The following CD99 variants were observed in gnomAD, a reference collection of about 807,000 sequenced individuals.
CD99 encodes CD99 antigen.
In CD99, 19 loss-of-function variants were observed where a neutral mutation model predicts 28.4. The ratio of observed to expected loss-of-function variants is 0.67; its 90% CI spans 0.47 to 0.98. CD99 has a LOEUF of 0.98. Among genes scored for constraint, CD99 ranks in the 50% least tolerant of loss-of-function variants. The pLI, the probability that CD99 is intolerant of heterozygous loss-of-function variation, is 0.00. For missense variants in CD99, 283 were observed against 248.8 expected, an observed-to-expected ratio of 1.14 and a Z score of -0.92; for synonymous variants, 103 against 92.1, an observed-to-expected ratio of 1.12 and a Z score of -0.67.
chrX:2,708,167 A>G (rs1684018), intron 1 of CD99, among the ~76,000 whole-genome samples: 14 of 152,036 alleles, frequency 9.2e-5, no homozygotes, highest in South Asian at 4.2e-4. Flanking sequence ...ACACCTGGGG[A>G]ACTGCATCCC....
At chrX:2,693,781 C>T (rs1325804228) in intron 1 of CD99, among the ~76,000 whole-genome samples, 1 of 152,084 alleles carries the variant, frequency 6.6e-6, no homozygotes, top group African/African-American at 2.4e-5. Flanking sequence ...AAAGAGGAGG[C>T]TTCAGCTTTG....
At chrX:2,712,775 G>A (rs1465964793) in intron 1 of CD99, among the ~76,000 whole-genome samples, 2 of 151,948 alleles carry the variant, frequency 1.3e-5, no homozygotes, top group Non-Finnish European at 2.9e-5. Flanking sequence ...GCAGCCATGA[G>A]TACACACACA....
At chrX:2,693,606 G>A (rs181128354) in intron 1 of CD99, among the ~76,000 whole-genome samples, 1 of 152,296 alleles carries the variant, frequency 6.6e-6, no homozygotes, top group Admixed American at 6.5e-5. Flanking sequence ...GCATCAGGCT[G>A]CAAAACCCCG....
At chrX:2,706,156 G>A (rs754209753) in intron 1 of CD99, among the ~76,000 whole-genome samples, 60 of 151,822 alleles carry the variant, frequency 4.0e-4, no homozygotes, top group Non-Finnish European at 3.2e-4. Context: ...TCAGGAGATC[G>A]AGACCATCCT....
chrX:2,691,527 C>G (rs1407324120), intron 1 of CD99, 100 bp downstream of exon 1: 10 of 1,303,552 alleles, frequency 7.7e-6, no homozygotes, highest in South Asian at 5.0e-5. Context: ...CGCGGGGACA[C>G]CCGGAGCCTC....
At chrX:2,712,530 A>G (rs1304131912) in intron 1 of CD99, among the ~76,000 whole-genome samples, 3 of 152,140 alleles carry the variant, frequency 2.0e-5, no homozygotes, top group Non-Finnish European at 4.4e-5. Context: ...CTTATGGTTT[A>G]TTCTGGATCA....
intron 2 of CD99, chrX:2,714,712 C>T (rs1312879805): frequency 1.4e-5 from 5 of 368,208 alleles, no homozygotes; most frequent in Middle Eastern, 6.9e-4. Context: ...GATACAGAGA[C>T]AGGAAGTGGG....
intron 8 of CD99, among the ~76,000 whole-genome samples, chrX:2,734,795 CT>C (rs199499573): frequency 1.4e-4 from 19 of 137,868 alleles, no homozygotes; most frequent in South Asian, 2.3e-4. Flanking sequence ...TCTTATTTTC[CT>C]TTTTTTTTCA....
chrX:2,730,929 C>CA (rs4034603), intron 8 of CD99, among the ~76,000 whole-genome samples: 9,670 of 105,988 alleles, frequency 0.091, 435 homozygotes, highest in South Asian at 0.12. Flanking sequence ...GACTCTGTCT[C>CA]AAAAAAAAAA....
chrX:2,706,079 G>A (rs183147900), intron 1 of CD99, among the ~76,000 whole-genome samples: 10 of 149,830 alleles, frequency 6.7e-5, no homozygotes, highest in African/African-American at 2.4e-4. Flanking sequence ...AAAAAAAAGA[G>A]CCGGGCGCGG....
At chrX:2,718,684 T>G (rs1408641560) in intron 3 of CD99, among the ~76,000 whole-genome samples, 8 of 152,114 alleles carry the variant, frequency 5.3e-5, no homozygotes, top group Admixed American at 5.2e-4. Context: ...TGCTGTTCTT[T>G]CAAACAAAAG....
At chrX:2,736,252 A>G (rs1311705160) in intron 8 of CD99, among the ~76,000 whole-genome samples, 3 of 151,748 alleles carry the variant, frequency 2.0e-5, no homozygotes, top group Non-Finnish European at 4.4e-5. Flanking sequence ...GCTGCACCAT[A>G]CAAACGTGTT....
intron 1 of CD99, among the ~76,000 whole-genome samples, chrX:2,713,144 C>G (rs1306556137): frequency 6.6e-6 from 1 of 150,724 alleles, no homozygotes; most frequent in South Asian, 2.1e-4. Context: ...ACACACAAAC[C>G]CACATATACA....
intron 6 of CD99, 102 bp downstream of exon 6, chrX:2,722,776 C>T: frequency 8.5e-7 from 1 of 1,181,736 alleles, no homozygotes; most frequent in Non-Finnish European, 1.3e-6. Flanking sequence ...TCTCTGTGAA[C>T]TCACAGTGAA....
At chrX:2,723,260 A>C in intron 6 of CD99, 54 bp from the exon 7 acceptor site, 1 of 1,594,614 alleles carries the variant, frequency 6.3e-7, no homozygotes, top group South Asian at 1.1e-5. Flanking sequence ...CCTGGCTGTG[A>C]ATTTTTCCTT....
intron 1 of CD99, among the ~76,000 whole-genome samples, chrX:2,694,800 G>A (rs754891635): frequency 2.9e-4 from 44 of 152,054 alleles, no homozygotes; most frequent in African/African-American, 9.6e-4. Flanking sequence ...CTTTCTCTGT[G>A]TATGAGACAG....
chrX:2,740,718 T>C, intron 9 of CD99, 61 bp from the exon 10 acceptor site: 1 of 1,562,154 alleles, frequency 6.4e-7, no homozygotes, highest in Non-Finnish European at 8.8e-7. Context: ...TTGTAGGAAC[T>C]GTGTCCACGT....
Position 2,723,334 on chromosome X carries a change from G to A in CD99, c.331G>A (p.Gly111Arg). ...GGEGKGGSDGGGSHRKEGEEA... is the reference protein window; with the variant it reads ...GGEGKGGSDGRGSHRKEGEEA... ...TGCAGGAAAAGGAGGCAGTGATGGT[G>A]GAGGCAGCCACAGGAAAGAAGGGGA... The change falls in exon 7 of 10, where the codon GGA becomes AGA. Residue 111 changes from glycine (G) to arginine (R), a missense_variant. By Grantham distance (125) the Gly-to-Arg change is moderately radical. Transcript: ENST00000381192. The A allele has an allele frequency of 1.2e-6, 2 of 1,613,964 alleles. No homozygotes were observed. Among genetic ancestry groups the A allele is most frequent in the Non-Finnish European group, 1.7e-6 (2 of 1,179,868 alleles).
At chrX:2,692,418 G>A (rs190155602) in intron 1 of CD99, among the ~76,000 whole-genome samples, 1 of 152,200 alleles carries the variant, frequency 6.6e-6, no homozygotes, top group Non-Finnish European at 1.5e-5. Flanking sequence ...GAGGAGGCCC[G>A]ATTTGTGTTG....
Sources: allele counts gnomAD v4.1 joint callset (sites outside exome capture counted in the v4.1 genomes callset), GRCh38; gene constraint gnomAD v4.1.1; transcripts MANE v1.5; gene names NCBI Gene and HGNC (gene_info 2026-07-23, HGNC 2026-07-21).